OTULIN: variants seen among roughly 807,000 people sequenced by gnomAD.
The protein encoded by OTULIN is ubiquitin thioesterase otulin.
A neutral mutation model predicts 39.6 loss-of-function variants in OTULIN; 15 were observed. The observed-to-expected ratio is 0.38, with a 90% CI of 0.25 to 0.58. OTULIN has a LOEUF of 0.58. Ranked by LOEUF, OTULIN falls within the 20% of genes least tolerant of loss-of-function variation. The pLI is 0.66. For missense variants in OTULIN, 319 were observed against 445.9 expected (o/e 0.72, Z 2.56); for synonymous variants, 156 against 170.3 (o/e 0.92, Z 0.65).
chr5:14,680,335 C>T (rs918218569), intron 3 of OTULIN, among the ~76,000 whole-genome samples: 1 of 152,142 alleles, frequency 6.6e-6, no homozygotes, highest in African/African-American at 2.4e-5. Flanking sequence ...AAAACATCAT[C>T]CTATGACTTG....
the OTULIN span, chr5:14,712,830 A>G: frequency 1.3e-6 from 2 of 1,534,596 alleles, no homozygotes; most frequent in East Asian, 4.7e-5. Context: ...TCCTGCACCC[A>G]GGAGGATGCA....
the OTULIN span, chr5:14,711,280 C>G: frequency 6.2e-7 from 1 of 1,614,184 alleles, no homozygotes; most frequent in Non-Finnish European, 8.5e-7. Flanking sequence ...TCTTCCCCCT[C>G]CGTGGCCGAC....
In OTULIN at chr5:14,694,792, G is replaced by A. The variant is rs565885245; in HGVS notation, c.*1744G>A. 4 of 152,608 alleles carry A rather than the reference G, an allele frequency of 2.6e-5. No homozygotes were observed. The highest frequency in any genetic ancestry group is 5.9e-5 in the Non-Finnish European group (4 of 68,036). The allele number at this position is 152,608 out of a possible 1,614,324, so 9.5% of individuals were successfully genotyped here. ...GTTCTTCACTGTGAAATGCAATTGTGCCTTGAATAAGAAGGTACCTAGAAG... is the reference window on the plus strand; with the variant it reads ...GTTCTTCACTGTGAAATGCAATTGTACCTTGAATAAGAAGGTACCTAGAAG... On this transcript the variant is annotated 3_prime_UTR_variant, in exon 7 of 7. Transcript: ENST00000284274.
chr5:14,681,315 T>TAA, intron 3 of OTULIN, 149 bp from the exon 4 acceptor site: 2 of 812,178 alleles, frequency 2.5e-6, no homozygotes, highest in Admixed American at 2.7e-5. Flanking sequence ...GAGTAAGTGT[T>TAA]AAAACAATTG....
At chr5:14,680,615 G>C (rs536651446) in intron 3 of OTULIN, among the ~76,000 whole-genome samples, 3 of 152,270 alleles carry the variant, frequency 2.0e-5, no homozygotes, top group Middle Eastern at 3.4e-3. Flanking sequence ...ATGCCTGCTG[G>C]GGGACCAGAC....
At chr5:14,687,366 G>A (rs1736412789) in intron 4 of OTULIN, among the ~76,000 whole-genome samples, 155 bp from the exon 5 acceptor site, 1 of 152,174 alleles carries the variant, frequency 6.6e-6, no homozygotes, top group Admixed American at 6.5e-5. Flanking sequence ...CTAGATTTAG[G>A]TCCTCCATCC....
chr5:14,674,285 T>G (rs1036773302), intron 2 of OTULIN: 4 of 152,836 alleles, frequency 2.6e-5, no homozygotes, highest in Non-Finnish European at 5.8e-5. Context: ...CGTGGAGACT[T>G]GGCTGGCAAA....
At chr5:14,666,622 A>T (rs1735853956) in intron 1 of OTULIN, among the ~76,000 whole-genome samples, 1 of 152,194 alleles carries the variant, frequency 6.6e-6, no homozygotes, top group East Asian at 1.9e-4. Context: ...TTCCCAGTAG[A>T]TGTCCCGGTT....
intron 4 of OTULIN, among the ~76,000 whole-genome samples, chr5:14,685,393 T>C (rs1026420284): frequency 1.3e-5 from 2 of 152,262 alleles, no homozygotes; most frequent in African/African-American, 4.8e-5. Context: ...GGTTTCTTGC[T>C]TAAATTTTCT....
chr5:14,680,166 G>A (rs16903638), intron 3 of OTULIN, among the ~76,000 whole-genome samples: 2,285 of 152,316 alleles, frequency 0.015, 66 homozygotes, highest in African/African-American at 0.052. Flanking sequence ...TAAGTATTCT[G>A]GGGTAATTGA....
chr5:14,713,742 A>G, the OTULIN span: 128 of 1,604,354 alleles, frequency 8.0e-5, no homozygotes, highest in Non-Finnish European at 1.1e-4. This position sits in a 1 kb window ranked among gnomAD's most constrained non-coding sequence, Gnocchi z 4.4. Flanking sequence ...GGACCAGGGC[A>G]GCACATCCGA....
chr5:14,675,370 C>T (rs527549043), intron 2 of OTULIN, among the ~76,000 whole-genome samples: 1 of 152,304 alleles, frequency 6.6e-6, no homozygotes, highest in East Asian at 1.9e-4. Flanking sequence ...TATAATACTT[C>T]TTGAGCCCCC....
chr5:14,704,043 T>G (rs1173824499), downstream of OTULIN, among the ~76,000 whole-genome samples: 1 of 151,706 alleles, frequency 6.6e-6, no homozygotes, highest in Non-Finnish European at 1.5e-5. Context: ...AAGAAAAGAG[T>G]GATGCTGGCC....
At chr5:14,675,029 TG>T (rs1225108632) in intron 2 of OTULIN, among the ~76,000 whole-genome samples, 4 of 152,224 alleles carry the variant, frequency 2.6e-5, no homozygotes. Flanking sequence ...GATTTCTCAT[TG>T]AAATTCTTGC....
At chr5:14,684,657 T>C (rs543042004) in intron 4 of OTULIN, among the ~76,000 whole-genome samples, 1 of 152,340 alleles carries the variant, frequency 6.6e-6, no homozygotes, top group Admixed American at 6.5e-5. Context: ...GTGGAACCTT[T>C]AGCTAGCTTT....
At position 14,690,307 on chromosome 5, in the gene OTULIN, A is replaced by G. The variant is rs759254218; in HGVS notation, c.863A>G (p.Gln288Arg). The change falls in exon 6 of 7, where the codon CAG becomes CGG. Residue 288 changes from glutamine (Q) to arginine (R), a missense_variant and splice_region_variant. Gln to Arg is a conservative substitution (Grantham distance 43). Coordinates refer to ENST00000284274, the MANE Select transcript of OTULIN (RefSeq NM_138348.6). This position sits in a 1 kb window ranked among gnomAD's most constrained non-coding sequence, Gnocchi z 4.5. ...GTGGGACACACTGGTGGTCTTGAAC[A>G]GGTAAGTTGTGCTTTTGAGCATGTA... ...NQVGHTGGLE[Q>R]VEMFLLAYAV... The G allele has an allele frequency of 6.2e-7, 1 of 1,612,294 alleles. No individual in the cohort carries two copies. Among genetic ancestry groups the G allele is most frequent in the Non-Finnish European group, 8.5e-7 (1 of 1,178,980 alleles).
intron 4 of OTULIN, among the ~76,000 whole-genome samples, chr5:14,685,763 C>CT (rs897918289): frequency 4.0e-5 from 6 of 149,314 alleles, no homozygotes; most frequent in African/African-American, 1.5e-4. Context: ...AGCCGGTCTT[C>CT]TGGGCTTCCC....
Position 14,694,600 on chromosome 5 carries a change from CTTAG to C in OTULIN, c.*1556_*1559del, listed in dbSNP as rs944004724. The C allele has an allele frequency of 2.6e-5, 4 of 152,426 alleles. No homozygotes were observed. Among genetic ancestry groups the C allele is most frequent in the African/African-American group, 7.2e-5 (3 of 41,428 alleles). The allele number at this position is 152,426 out of a possible 1,614,324, so 9.4% of individuals were successfully genotyped here. A position where few individuals can be genotyped will look rare whatever the true frequency, so the allele number is the denominator to read the frequency against. On this transcript the variant is annotated 3_prime_UTR_variant, in exon 7 of 7. Transcript: ENST00000284274. ...TTTTGTTTTTAATTAAAAATAAAGTCTTAGTTAAGAAAACTCAGGATGCACAAAA... is the reference window on the plus strand; with the variant it reads ...TTTTGTTTTTAATTAAAAATAAAGTCTTAAGAAAACTCAGGATGCACAAAA...
intron 4 of OTULIN, among the ~76,000 whole-genome samples, chr5:14,683,416 A>G (rs1040213100): frequency 6.6e-6 from 1 of 152,248 alleles, no homozygotes; most frequent in Non-Finnish European, 1.5e-5. Context: ...AAATGATGCC[A>G]TTTATTAGTA....
Sources: allele counts gnomAD v4.1 joint callset (sites outside exome capture counted in the v4.1 genomes callset), GRCh38; gene constraint gnomAD v4.1.1; non-coding constraint Gnocchi (gnomAD v3.1); transcripts MANE v1.5; gene names NCBI Gene and HGNC (gene_info 2026-07-23, HGNC 2026-07-21).